The following GRAP2 variants were observed in gnomAD, a reference collection of about 807,000 sequenced individuals.
GRAP2 encodes GRB2-related adapter protein 2.
GRAP2 carries 31 observed loss-of-function variants against 43.5 expected under a neutral mutation model. The observed-to-expected ratio is 0.71, with a 90% CI of 0.54 to 0.96. The LOEUF (loss-of-function observed/expected upper bound fraction) is 0.96. GRAP2 is among the 40% of genes least tolerant of loss of function. GRAP2 has a pLI of 0.00. For missense variants in GRAP2, 371 were observed against 424.4 expected (o/e 0.87, Z 1.11); for synonymous variants, 156 against 164.8 (o/e 0.95, Z 0.41).
intron 1 of GRAP2, among the ~76,000 whole-genome samples, chr22:39,920,768 G>T (rs989169875): frequency 6.6e-6 from 1 of 151,820 alleles, no homozygotes. Context: ...AATATGGCTC[G>T]ATTCATGTCA....
chr22:39,966,664 G>A (rs1032403874), intron 5 of GRAP2, among the ~76,000 whole-genome samples: 33 of 152,188 alleles, frequency 2.2e-4, no homozygotes, highest in African/African-American at 8.0e-4. Flanking sequence ...GGGGTAGGGA[G>A]GACATGGGAG....
intron 1 of GRAP2, 152 bp from the exon 2 acceptor site, chr22:39,946,940 CA>C (rs1357665116): frequency 8.4e-6 from 5 of 597,390 alleles, no homozygotes; most frequent in Non-Finnish European, 1.5e-5. Context: ...CCTGCAAACA[CA>C]AGCCCTTGTT....
chr22:39,957,722 G>C (rs2067072777), intron 3 of GRAP2, among the ~76,000 whole-genome samples: 1 of 152,058 alleles, frequency 6.6e-6, no homozygotes, highest in Non-Finnish European at 1.5e-5. Context: ...ATCACTTGTG[G>C]CTAGGAGTTT....
chr22:39,962,949 G>A (rs780524041), intron 4 of GRAP2, among the ~76,000 whole-genome samples: 28 of 152,116 alleles, frequency 1.8e-4, no homozygotes, highest in Non-Finnish European at 2.9e-4. Context: ...GATTACAGGC[G>A]CGACCCACTG....
chr22:39,906,670 AAT>A (rs1303463390), intron 1 of GRAP2, among the ~76,000 whole-genome samples: 2 of 152,202 alleles, frequency 1.3e-5, no homozygotes, highest in Admixed American at 1.3e-4. Context: ...ATTGGTCATG[AAT>A]AATACTTCTT....
At chr22:39,962,151 C>T (rs750221833) in intron 4 of GRAP2, among the ~76,000 whole-genome samples, 21 of 152,166 alleles carry the variant, frequency 1.4e-4, no homozygotes, top group Non-Finnish European at 2.6e-4. Context: ...GGTCGGGCGC[C>T]GTGGCTCATG....
upstream of GRAP2, among the ~76,000 whole-genome samples, chr22:39,898,722 A>T (rs1601680092): frequency 6.6e-6 from 1 of 152,158 alleles, no homozygotes; most frequent in Non-Finnish European, 1.5e-5. Context: ...CTGAGGCAGG[A>T]GAATCATTTG....
At chr22:39,956,631 G>A (rs2067055905) in intron 3 of GRAP2, among the ~76,000 whole-genome samples, 1 of 151,524 alleles carries the variant, frequency 6.6e-6, no homozygotes, top group Non-Finnish European at 1.5e-5. Context: ...ACCACACCCA[G>A]CTAACTTTTG....
chr22:39,940,397 T>C (rs1206099173), intron 1 of GRAP2, among the ~76,000 whole-genome samples: 2 of 151,740 alleles, frequency 1.3e-5, no homozygotes, highest in African/African-American at 4.8e-5. Flanking sequence ...TTTTTTTTTT[T>C]TTCACTTTCC....
chr22:39,901,085 G>C lies in GRAP2; in HGVS notation c.-260G>C, dbSNP rs919486316. On this transcript the variant is annotated 5_prime_UTR_variant, in exon 1 of 8. Coordinates refer to ENST00000344138, the MANE Select transcript of GRAP2 (RefSeq NM_004810.4). Reference sequence around the variant, plus strand: ...CTAGTTCCTGTGTGGTTTGCCTACAGACTGCAGGGCTGACTAGGGTTAGTT... The same window carrying C: ...CTAGTTCCTGTGTGGTTTGCCTACACACTGCAGGGCTGACTAGGGTTAGTT... 1 of 365,982 alleles carries C rather than the reference G, an allele frequency of 2.7e-6. No homozygotes were observed. Among genetic ancestry groups the C allele is most frequent in the Admixed American group, 3.5e-5 (1 of 28,878 alleles). 22.7% of individuals were successfully genotyped at this position (365,982 alleles called of 1,614,324 possible).
At chr22:39,944,635 G>A (rs1387788452) in intron 1 of GRAP2, among the ~76,000 whole-genome samples, 2 of 152,184 alleles carry the variant, frequency 1.3e-5, no homozygotes, top group African/African-American at 4.8e-5. Flanking sequence ...CCTGGGGGAA[G>A]GCAGAGGAAA....
intron 4 of GRAP2, among the ~76,000 whole-genome samples, chr22:39,962,858 G>A (rs970311004): frequency 2.0e-5 from 3 of 151,920 alleles, no homozygotes; most frequent in African/African-American, 2.4e-5. Flanking sequence ...CAGTAGAGAC[G>A]GGGTTTCGTC....
chr22:39,928,503 CTGTT>C (rs757138595), intron 1 of GRAP2, among the ~76,000 whole-genome samples: 1 of 152,220 alleles, frequency 6.6e-6, no homozygotes, highest in African/African-American at 2.4e-5. Flanking sequence ...TTATTTGAGT[CTGTT>C]TGTTTAGTAA....
chr22:39,966,140 C>T lies in GRAP2; in HGVS notation c.441C>T (p.Asp147=). ...GACAGAAGCAGATCTTCCTTAGAGA[C>T]AGAACCCGAGAAGACCAGGTATGCT... ...ISRQKQIFLR[D]RTREDQGHRG... The change falls in exon 5 of 8, where the codon GAC becomes GAT. Residue 147 remains aspartate, a synonymous_variant. Coordinates refer to ENST00000344138, the MANE Select transcript of GRAP2 (RefSeq NM_004810.4). 6.2e-7 allele frequency: 1 copy of T among 1,614,058 alleles called. No homozygotes were observed. The highest frequency in any genetic ancestry group is 8.5e-7 in the Non-Finnish European group (1 of 1,179,928).
chr22:39,939,561 C>CAAAA (rs386395434), intron 1 of GRAP2, among the ~76,000 whole-genome samples: 60 of 63,854 alleles, frequency 9.4e-4, no homozygotes, highest in Non-Finnish European at 1.0e-3. Flanking sequence ...GACTCCGTCT[C>CAAAA]AAAAAAAAAA....
intron 1 of GRAP2, among the ~76,000 whole-genome samples, chr22:39,907,721 AAC>A (rs1488026704): frequency 6.6e-6 from 1 of 152,320 alleles, no homozygotes; most frequent in African/African-American, 2.4e-5. Flanking sequence ...CAGCCTGGGC[AAC>A]AGAGTGAGAT....
At chr22:39,944,672 T>G (rs2066903757) in intron 1 of GRAP2, among the ~76,000 whole-genome samples, 1 of 152,196 alleles carries the variant, frequency 6.6e-6, no homozygotes, top group African/African-American at 2.4e-5. Context: ...GCAATTTTAC[T>G]TCTGCCTCGG....
chr22:39,955,897 A>G lies in GRAP2; in HGVS notation c.157A>G (p.Ile53Val). 1.3e-6 allele frequency: 2 copies of G among 1,530,772 alleles called. No homozygotes were observed. Among genetic ancestry groups the G allele is most frequent in the Non-Finnish European group, 1.8e-6 (2 of 1,103,904 alleles). 94.8% of individuals were successfully genotyped at this position (1,530,772 alleles called of 1,614,324 possible). ...EGYVPKNFID[I>V]QFPKWFHEGL... ...ATATGTGCCCAAGAATTTCATAGAC[A>G]TCCAGTTTCCCAAGTAAGTATCTGC... Residue 53 changes from isoleucine to valine, a missense_variant, in exon 3 of 8, where the codon ATC (isoleucine) becomes GTC (valine). Coordinates refer to ENST00000344138, the MANE Select transcript of GRAP2 (RefSeq NM_004810.4).
At position 39,905,151 on chromosome 22, in the gene GRAP2, T is replaced by C. The variant is rs77050348; in HGVS notation, c.-15+3821T>C. Among the ~76,000 whole-genome samples, 998 of 152,268 alleles carry C rather than the reference T, an allele frequency of 6.6e-3. 10 individuals carry two copies. The highest frequency in any genetic ancestry group is 0.023 in the African/African-American group (954 of 41,540). On this transcript the variant is annotated intron_variant, in intron 1 of 7. Coordinates refer to ENST00000344138, the MANE Select transcript of GRAP2 (RefSeq NM_004810.4). The stretch of plus-strand genomic sequence containing the variant: ...AATTAGCGAGTACTCTCAGGGGGTA[T>C]CTCAAAGTGTATCTCATAAACACTT...
Sources: gnomAD v4.1 joint callset for allele counts (sites outside exome capture counted in the v4.1 genomes callset) on GRCh38, gnomAD v4.1.1 for gene constraint, MANE v1.5 for transcripts, NCBI Gene and HGNC (gene_info 2026-07-23, HGNC 2026-07-21) for gene names.